PCDH9: variants seen among roughly 807,000 people sequenced by gnomAD.
PCDH9 encodes the protein protocadherin 9, also known as protocadherin-9.
PCDH9 carries 24 observed loss-of-function variants against 70.6 expected under a neutral mutation model. That is an observed-to-expected ratio of 0.34 (90% CI 0.25 to 0.48). The LOEUF is 0.48. PCDH9 is among the 20% of genes least tolerant of loss of function. PCDH9 has a pLI of 0.99. For synonymous variants in PCDH9, 562 were observed against 558.5 expected (o/e 1.01, Z -0.09); for missense variants, 1,281 against 1,503.6 (o/e 0.85, Z 2.45).
At chr13:66,836,292 C>T (rs760129451) in intron 3 of PCDH9, among the ~76,000 whole-genome samples, 15 of 152,080 alleles carry the variant, frequency 9.9e-5, no homozygotes, top group African/African-American at 1.7e-4. Flanking sequence ...ATAAATTTGA[C>T]GACTGGAGAT....
At chr13:66,729,110 T>G (rs2079040344) in intron 3 of PCDH9, among the ~76,000 whole-genome samples, 1 of 152,066 alleles carries the variant, frequency 6.6e-6, no homozygotes, top group South Asian at 2.1e-4. Context: ...AACTTGGAGG[T>G]CCCAGAAAGA....
chr13:66,496,832 A>G (rs2138547820), intron 4 of PCDH9, among the ~76,000 whole-genome samples: 1 of 152,316 alleles, frequency 6.6e-6, no homozygotes. Context: ...AAAAAAGAAA[A>G]GGGTTTTTTA....
At chr13:67,003,639 T>C (rs58854798) in intron 2 of PCDH9, among the ~76,000 whole-genome samples, 26,196 of 152,038 alleles carry the variant, frequency 0.17, 2,355 homozygotes, top group Middle Eastern at 0.23. Context: ...TAAATGAAGA[T>C]GAAAAGAGAA....
intron 3 of PCDH9, among the ~76,000 whole-genome samples, chr13:66,692,970 G>A (rs1223678610): frequency 1.3e-5 from 2 of 152,024 alleles, no homozygotes; most frequent in African/African-American, 4.8e-5. Flanking sequence ...CAATGGGTAC[G>A]ATATATGTGG....
At chr13:66,822,358 C>T (rs2080727770) in intron 3 of PCDH9, among the ~76,000 whole-genome samples, 1 of 151,890 alleles carries the variant, frequency 6.6e-6, no homozygotes, top group Admixed American at 6.6e-5. Context: ...TTATGGATTA[C>T]CAATATTGAT....
At chr13:66,650,428 C>T (rs998254039) in intron 3 of PCDH9, among the ~76,000 whole-genome samples, 1 of 151,784 alleles carries the variant, frequency 6.6e-6, no homozygotes, top group Admixed American at 6.6e-5. Context: ...GAGTATATAC[C>T]AATTGTAAAT....
At chr13:67,006,443 T>C (rs2084357334) in intron 2 of PCDH9, among the ~76,000 whole-genome samples, 1 of 152,210 alleles carries the variant, frequency 6.6e-6, no homozygotes, top group Non-Finnish European at 1.5e-5. Context: ...CCGAATAATG[T>C]ATCAAAAATA....
intron 4 of PCDH9, among the ~76,000 whole-genome samples, chr13:66,582,152 C>T (rs1566434867): frequency 6.6e-6 from 1 of 152,010 alleles, no homozygotes; most frequent in South Asian, 2.1e-4. Context: ...GCATTCTGTT[C>T]TCTTAAAAAA....
At position 66,380,959 on chromosome 13, in the gene PCDH9, C is replaced by T. The variant is rs1038012389; in HGVS notation, c.3341-75931G>A. On this transcript the variant is annotated intron_variant, in intron 4 of 4. Coordinates refer to ENST00000377865, the MANE Select transcript of PCDH9 (RefSeq NM_203487.3). Reference sequence around the variant, plus strand: ...TAACTCTGATTAAGTTGAAGTAATACGCGTGTCAACTTTCAGTAAGAGACA... The same window carrying T: ...TAACTCTGATTAAGTTGAAGTAATATGCGTGTCAACTTTCAGTAAGAGACA... Among the ~76,000 whole-genome samples, 11 of 152,106 alleles carry T rather than the reference C, an allele frequency of 7.2e-5. No individual in the cohort carries two copies. The East Asian group carries it at 7.7e-4, about 11-fold the overall frequency.
chr13:67,145,028 G>A (rs1226566014), intron 2 of PCDH9, among the ~76,000 whole-genome samples: 2 of 152,054 alleles, frequency 1.3e-5, no homozygotes, highest in Non-Finnish European at 1.5e-5. Context: ...AGGTGAGGAT[G>A]TTCACAGATT....
intron 3 of PCDH9, among the ~76,000 whole-genome samples, chr13:66,870,999 C>A (rs1219972022): frequency 6.6e-6 from 1 of 152,090 alleles, no homozygotes; most frequent in African/African-American, 2.4e-5. Flanking sequence ...AAATGTCCAA[C>A]AATGATAGGC....
At chr13:67,017,387 A>G (rs1209524809) in intron 2 of PCDH9, among the ~76,000 whole-genome samples, 2 of 152,190 alleles carry the variant, frequency 1.3e-5, no homozygotes, top group Non-Finnish European at 2.9e-5. Context: ...ATCTAAATAA[A>G]TCTCACTCTC....
intron 2 of PCDH9, chr13:67,224,166 T>C (rs1419051538): frequency 6.6e-6 from 1 of 152,356 alleles, no homozygotes; most frequent in South Asian, 2.1e-4. Flanking sequence ...TCCTTATTTA[T>C]AAACAAGTAC....
chr13:66,514,289 A>T (rs899392401), intron 4 of PCDH9, among the ~76,000 whole-genome samples: 1 of 151,990 alleles, frequency 6.6e-6, no homozygotes, highest in Non-Finnish European at 1.5e-5. Flanking sequence ...TATTTTTTGG[A>T]CTTGAGTTAG....
chr13:66,738,739 T>C (rs191720963), intron 3 of PCDH9, among the ~76,000 whole-genome samples: 16 of 151,484 alleles, frequency 1.1e-4, no homozygotes, highest in African/African-American at 3.6e-4. Context: ...AGACAGGGTA[T>C]CAGCAATGGA....
intron 2 of PCDH9, among the ~76,000 whole-genome samples, chr13:67,180,546 C>T (rs2088588523): frequency 6.6e-6 from 1 of 152,092 alleles, no homozygotes; most frequent in Non-Finnish European, 1.5e-5. Context: ...TTCCCTAATT[C>T]ACTTTTTGTT....
At chr13:66,723,829 A>G (rs937733293) in intron 3 of PCDH9, among the ~76,000 whole-genome samples, 1 of 152,232 alleles carries the variant, frequency 6.6e-6, no homozygotes, top group Non-Finnish European at 1.5e-5. Flanking sequence ...GAGAGCCCAG[A>G]ACCAAGGAGC....
chr13:66,561,357 C>T (rs1962023445), intron 4 of PCDH9, among the ~76,000 whole-genome samples: 1 of 152,322 alleles, frequency 6.6e-6, no homozygotes, highest in East Asian at 1.9e-4. Context: ...AGTGCCGCCC[C>T]TTGCTCCACT....
At chr13:66,596,587 T>C (rs1401775218) in intron 4 of PCDH9, among the ~76,000 whole-genome samples, 1 of 151,696 alleles carries the variant, frequency 6.6e-6, no homozygotes, top group Admixed American at 6.6e-5. Flanking sequence ...ATTTTACATG[T>C]GACCAACATA....
Sources: allele counts gnomAD v4.1 joint callset (sites outside exome capture counted in the v4.1 genomes callset), GRCh38; gene constraint gnomAD v4.1.1; transcripts MANE v1.5; gene names NCBI Gene and HGNC (gene_info 2026-07-23, HGNC 2026-07-21).